The following CCDC179 variants were observed in gnomAD, a reference collection of about 807,000 sequenced individuals.
The protein encoded by CCDC179 is coiled-coil domain containing 179, also known as coiled-coil domain-containing protein 179.
A neutral mutation model predicts 12.0 loss-of-function variants in CCDC179; 17 were observed. The ratio of observed to expected loss-of-function variants is 1.42; its 90% CI spans 0.97 to 2.13. CCDC179 has a LOEUF of 2.13. Ranked by LOEUF, CCDC179 falls within the 30% of genes most tolerant of loss-of-function variation. The pLI is 0.00. For synonymous variants in CCDC179, 27 were observed against 26.4 expected (o/e 1.02, Z -0.07); for missense variants, 83 against 78.6 (o/e 1.06, Z -0.21).
chr11:22,850,736 A>G (rs1261300401), intron 3 of CCDC179, among the ~76,000 whole-genome samples: 1 of 151,732 alleles, frequency 6.6e-6, no homozygotes, highest in Non-Finnish European at 1.5e-5. Flanking sequence ...GGTACTAGAT[A>G]TTGAAATGAC....
At position 22,850,976 on chromosome 11, in the gene CCDC179, A is replaced by ATT. The variant is rs1164245496; in HGVS notation, c.196-3457_196-3456dup. Reference sequence around the variant, plus strand: ...TATATATATATATATATATATATATATTTTTTTTTTTTTTTTTTTTTTTTG... The same window carrying ATT: ...TATATATATATATATATATATATATATTTTTTTTTTTTTTTTTTTTTTTTTTG... On this transcript the variant is annotated intron_variant, in intron 3 of 3. Coordinates refer to ENST00000532798, the MANE Select transcript of CCDC179 (RefSeq NM_001195637.2). 1.1e-3 allele frequency among the ~76,000 whole-genome samples: 7 copies of ATT among 6,118 alleles called. 1 individual carries two copies. The highest frequency in any genetic ancestry group is 1.5e-3 in the African/African-American group (5 of 3,268). 4.0% of individuals were successfully genotyped at this position (6,118 alleles called of 152,430 possible).
Position 22,851,217 on chromosome 11 carries a change from G to A in CCDC179, c.196-3696C>T, listed in dbSNP as rs187663352. Among the ~76,000 whole-genome samples the A allele has an allele frequency of 3.0e-3, 451 of 151,530 alleles. 2 individuals are homozygous for A. The highest frequency in any genetic ancestry group is 0.01 in the African/African-American group (434 of 41,356). ...ATAGTTAAGGCAAAACAATAACTGT[G>A]TATAGTTGATGGTCCTGGGTTTCTG... On this transcript the variant is annotated intron_variant, in intron 3 of 3. Transcript: ENST00000532798.
At position 22,860,450 on chromosome 11, in the gene CCDC179, G is replaced by A. The variant is rs568351497; in HGVS notation, c.-29C>T. The A allele has an allele frequency of 9.7e-5, 149 of 1,529,548 alleles. 1 individual carries two copies. In the South Asian group the frequency reaches 1.0e-3, roughly 11 times the overall value. 94.7% of individuals were successfully genotyped at this position (1,529,548 alleles called of 1,614,324 possible). The stretch of plus-strand genomic sequence containing the variant: ...GTGGAGCCTTAGGGCGCCCCCTGAC[G>A]CCTACTGCCTGTCCTGGACCAAATG... On this transcript the variant is annotated 5_prime_UTR_variant, in exon 1 of 4. Coordinates refer to ENST00000532798, the MANE Select transcript of CCDC179 (RefSeq NM_001195637.2).
intron 3 of CCDC179, among the ~76,000 whole-genome samples, chr11:22,855,146 T>C (rs1036732792): frequency 6.6e-6 from 1 of 151,698 alleles, no homozygotes; most frequent in Non-Finnish European, 1.5e-5. Context: ...AATTGACAGA[T>C]CTAGCAGGCA....
chr11:22,859,728 C>A (rs1432243533), intron 1 of CCDC179, among the ~76,000 whole-genome samples: 2 of 152,088 alleles, frequency 1.3e-5, no homozygotes, highest in East Asian at 3.9e-4. Flanking sequence ...TAAAAAAGAA[C>A]CAGCTGTGAA....
chr11:22,850,729 A>C (rs1258383073), intron 3 of CCDC179, among the ~76,000 whole-genome samples: 1 of 151,816 alleles, frequency 6.6e-6, no homozygotes, highest in Non-Finnish European at 1.5e-5. Context: ...GATTGATGGT[A>C]CTAGATATTG....
intron 3 of CCDC179, among the ~76,000 whole-genome samples, chr11:22,855,520 T>C (rs1168670855): frequency 1.3e-5 from 2 of 151,530 alleles, no homozygotes; most frequent in Non-Finnish European, 3.0e-5. Flanking sequence ...GAAAATATGA[T>C]TTATTAAAAT....
At chr11:22,848,881 G>A (rs1858301408) in intron 3 of CCDC179, among the ~76,000 whole-genome samples, 1 of 152,158 alleles carries the variant, frequency 6.6e-6, no homozygotes, top group Non-Finnish European at 1.5e-5. Flanking sequence ...GTATTCATTT[G>A]TAACAGTTTG....
In CCDC179 at chr11:22,860,226, A is replaced by G; in HGVS notation, c.45+151T>C. On this transcript the variant is annotated intron_variant, in intron 1 of 3. Coordinates refer to ENST00000532798, the MANE Select transcript of CCDC179 (RefSeq NM_001195637.2). ...CAGAGGGGTCCAGCAGTCAGGATGT[A>G]GTCTGTCTACATCACCTGGAATTTC... 5.0e-6 allele frequency: 4 copies of G among 803,592 alleles called. No individual in the cohort carries two copies. In the East Asian group the frequency reaches 8.7e-5, roughly 17 times the overall value. The allele number at this position is 803,592 out of a possible 1,614,324, so 49.8% of individuals were successfully genotyped here.
At chr11:22,850,940 C>CCATATATATATATATA (rs1401824398) in intron 3 of CCDC179, among the ~76,000 whole-genome samples, 1 of 16,526 alleles carries the variant, frequency 6.1e-5, no homozygotes, top group East Asian at 2.3e-3. Context: ...GTTGCATAGG[C>CCATATATATATATATA]TATATATATA....
intron 3 of CCDC179, among the ~76,000 whole-genome samples, chr11:22,853,985 A>G (rs1858479199): frequency 6.6e-6 from 1 of 151,994 alleles, no homozygotes; most frequent in African/African-American, 2.4e-5. Context: ...AACATGAATA[A>G]CAACAATTAC....
chr11:22,852,708 A>G (rs1259252237), intron 3 of CCDC179, among the ~76,000 whole-genome samples: 1 of 152,204 alleles, frequency 6.6e-6, no homozygotes, highest in Non-Finnish European at 1.5e-5. Context: ...CTATCCTTGA[A>G]AAAGCTTAGC....
chr11:22,849,827 G>T (rs1164157863), intron 3 of CCDC179, among the ~76,000 whole-genome samples: 1 of 152,108 alleles, frequency 6.6e-6, no homozygotes, highest in Admixed American at 6.6e-5. Flanking sequence ...TTAGGACACG[G>T]ACACACATGA....
intron 3 of CCDC179, among the ~76,000 whole-genome samples, chr11:22,857,617 T>C (rs1321037271): frequency 2.0e-5 from 3 of 151,718 alleles, no homozygotes; most frequent in Non-Finnish European, 4.4e-5. Flanking sequence ...AATTTTCAGA[T>C]ATATAGCCAA....
At chr11:22,850,958 A>ATTTT (rs1590188931) in intron 3 of CCDC179, among the ~76,000 whole-genome samples, 1 of 6,538 alleles carries the variant, frequency 1.5e-4, no homozygotes, top group Non-Finnish European at 6.2e-4. Context: ...ATATATATAT[A>ATTTT]TATATATATA....
chr11:22,850,451 A>G (rs1362314389), intron 3 of CCDC179, among the ~76,000 whole-genome samples: 2 of 152,084 alleles, frequency 1.3e-5, no homozygotes, highest in African/African-American at 4.8e-5. Flanking sequence ...TGGCTGTTCT[A>G]TTTTATCCAT....
At chr11:22,860,301 C>G (rs1858632017) in intron 1 of CCDC179, 76 bp downstream of exon 1, 33 of 1,483,438 alleles carry the variant, frequency 2.2e-5, no homozygotes, top group Non-Finnish European at 2.9e-5. Context: ...GCACCATGGC[C>G]AAGGCCACAG....
At chr11:22,850,955 TATATATATA>T (rs1858367119) in intron 3 of CCDC179, among the ~76,000 whole-genome samples, 2 of 9,254 alleles carry the variant, frequency 2.2e-4, no homozygotes, top group African/African-American at 4.3e-4. Context: ...TATATATATA[TATATATATA>T]TATATATATA....
rs1364138834 is a variant in CCDC179, at chr11:22,857,939, G to A, written c.178C>T (p.Pro60Ser). The A allele has an allele frequency of 2.0e-6, 3 of 1,519,216 alleles. No individual in the cohort carries two copies. Among genetic ancestry groups the A allele is most frequent in the Admixed American group, 4.1e-5 (2 of 49,038 alleles). The allele number at this position is 1,519,216 out of a possible 1,614,324, so 94.1% of individuals were successfully genotyped here. A position where few individuals can be genotyped will look rare whatever the true frequency, so the allele number is the denominator to read the frequency against. The change falls in exon 3 of 4, where the codon CCA (proline) becomes TCA (serine). Residue 60 changes from proline (P) to serine (S), a missense_variant. Pro to Ser is a moderately conservative substitution (Grantham distance 74). Transcript: ENST00000532798. ...ATACTTACTAGGAGTCCTGGTTCTGGAATAGGAGAAGGCCTTGAAAACCTT... is the reference window on the plus strand; with the variant it reads ...ATACTTACTAGGAGTCCTGGTTCTGAAATAGGAGAAGGCCTTGAAAACCTT... ...NKRFSRPSPI[P>S]EPGLLWSS is the part of the protein sequence containing the mutation.
Sources: allele counts gnomAD v4.1 joint callset (sites outside exome capture counted in the v4.1 genomes callset), GRCh38; gene constraint gnomAD v4.1.1; transcripts MANE v1.5; gene names NCBI Gene and HGNC (gene_info 2026-07-23, HGNC 2026-07-21).